Variants in SLCO3A1 observed in about 807,000 individuals in gnomAD.
The protein encoded by SLCO3A1 is PGE1 transporter.
Under a neutral mutation model 63.1 loss-of-function variants are expected in SLCO3A1, and 27 were observed. That is an observed-to-expected ratio of 0.43 (90% confidence interval 0.32 to 0.59). The LOEUF (loss-of-function observed/expected upper bound fraction) is 0.59. Ranked by LOEUF, SLCO3A1 falls within the 20% of genes least tolerant of loss-of-function variation. The pLI is 0.09. For missense variants in SLCO3A1, 773 were observed against 945.8 expected, an observed-to-expected ratio of 0.82 and a Z score of 2.40; for synonymous variants, 473 against 409.9, an observed-to-expected ratio of 1.15 and a Z score of -1.86.
In SLCO3A1 at chr15:92,012,644, C is replaced by T. The variant is rs554706198; in HGVS notation, c.647-82237C>T. 5.9e-5 allele frequency among the ~76,000 whole-genome samples: 9 copies of T among 151,686 alleles called. No individual in the cohort carries two copies. The East Asian group carries it at 1.4e-3, about 23-fold the overall frequency. The stretch of plus-strand genomic sequence containing the variant: ...CCCTGTGAGAGCACTGGCTCACACC[C>T]GGAATCCCAGCACTTTGAGAGGCTG... On this transcript the variant is annotated intron_variant, in intron 2 of 9. Transcript: ENST00000318445.
intron 7 of SLCO3A1, among the ~76,000 whole-genome samples, chr15:92,130,125 A>G (rs576366008): frequency 1.3e-5 from 2 of 152,368 alleles, no homozygotes; most frequent in Non-Finnish European, 2.9e-5. Context: ...CCTGAGACCA[A>G]ATGAGTCTCT....
chr15:91,984,300 A>G (rs12906515), intron 2 of SLCO3A1, among the ~76,000 whole-genome samples: 122,434 of 152,190 alleles, frequency 0.8, 50,158 homozygotes, highest in East Asian at 0.98. Context: ...TTAACCTCCC[A>G]CTTCAGCTAT....
chr15:92,072,944 C>CAAA (rs1238200075), intron 2 of SLCO3A1, among the ~76,000 whole-genome samples: 1 of 152,098 alleles, frequency 6.6e-6, no homozygotes, highest in Non-Finnish European at 1.5e-5. Context: ...CAACCCAGTA[C>CAAA]AAAAACCTTA....
At chr15:91,864,305 C>T (rs1228105032) in intron 1 of SLCO3A1, among the ~76,000 whole-genome samples, 1 of 152,170 alleles carries the variant, frequency 6.6e-6, no homozygotes, top group Non-Finnish European at 1.5e-5. Context: ...CCCAAATGTG[C>T]AGCCCCACCC....
chr15:92,117,076 G>A (rs185202735), intron 4 of SLCO3A1, among the ~76,000 whole-genome samples: 40 of 152,308 alleles, frequency 2.6e-4, no homozygotes, highest in African/African-American at 9.4e-4. Context: ...TCCCGCTGAA[G>A]TGGAATTATC....
intron 2 of SLCO3A1, among the ~76,000 whole-genome samples, chr15:91,960,439 C>G (rs1037650508): frequency 6.6e-6 from 1 of 152,288 alleles, no homozygotes; most frequent in South Asian, 2.1e-4. Flanking sequence ...TAATTCTGCT[C>G]TGAAGGTTTG....
At chr15:91,888,762 C>A (rs1897790271) in intron 1 of SLCO3A1, among the ~76,000 whole-genome samples, 1 of 151,950 alleles carries the variant, frequency 6.6e-6, no homozygotes. Context: ...ATGGAAAGAT[C>A]ATTTGAGGCC....
chr15:92,123,372 A>G (rs1170567593), intron 5 of SLCO3A1, among the ~76,000 whole-genome samples: 1 of 152,140 alleles, frequency 6.6e-6, no homozygotes, highest in Non-Finnish European at 1.5e-5. Context: ...GCGCCATTGC[A>G]CTCCAGCCTG....
intron 2 of SLCO3A1, among the ~76,000 whole-genome samples, chr15:92,042,182 T>A (rs978361671): frequency 1.3e-5 from 2 of 152,224 alleles, no homozygotes; most frequent in Non-Finnish European, 2.9e-5. Context: ...TTCTCATCTT[T>A]CCTTGAGTAA....
intron 2 of SLCO3A1, among the ~76,000 whole-genome samples, chr15:91,930,829 C>T (rs1418960736): frequency 1.1e-4 from 17 of 152,266 alleles, no homozygotes; most frequent in Middle Eastern, 3.4e-3. Context: ...TTATTTGCCG[C>T]GCTTTATGGG....
chr15:91,922,850 G>A (rs4989808), intron 2 of SLCO3A1, among the ~76,000 whole-genome samples: 150,173 of 152,358 alleles, frequency 0.99, 74,027 homozygotes, highest in East Asian at 1. Flanking sequence ...GCTGCTGGTC[G>A]CATGCCATTT....
intron 4 of SLCO3A1, among the ~76,000 whole-genome samples, chr15:92,106,347 G>A (rs1439851802): frequency 6.6e-6 from 1 of 152,126 alleles, no homozygotes; most frequent in East Asian, 1.9e-4. Context: ...CCTCATGCAC[G>A]TGTGCTTAAT....
intron 5 of SLCO3A1, among the ~76,000 whole-genome samples, chr15:92,123,795 T>C (rs1275505694): frequency 6.6e-6 from 1 of 152,254 alleles, no homozygotes; most frequent in Admixed American, 6.5e-5. Flanking sequence ...CTTTGGGCAG[T>C]GCTCTGTTTC....
intron 2 of SLCO3A1, among the ~76,000 whole-genome samples, chr15:91,934,994 G>A (rs778591381): frequency 2.6e-5 from 4 of 151,984 alleles, no homozygotes; most frequent in East Asian, 1.9e-4. Flanking sequence ...TCGCTTTGTC[G>A]CCAGGCTGGA....
At chr15:91,973,525 AATC>A (rs1278517322) in intron 2 of SLCO3A1, among the ~76,000 whole-genome samples, 1 of 152,202 alleles carries the variant, frequency 6.6e-6, no homozygotes, top group African/African-American at 2.4e-5. Flanking sequence ...GAGTGTCTAA[AATC>A]ATGGTGCGTT....
At chr15:91,945,876 A>C (rs1265316268) in intron 2 of SLCO3A1, among the ~76,000 whole-genome samples, 1 of 152,194 alleles carries the variant, frequency 6.6e-6, no homozygotes, top group Non-Finnish European at 1.5e-5. Context: ...AATTGAGAGG[A>C]GTTCCTGATG....
At position 91,872,735 on chromosome 15, in the gene SLCO3A1, A is replaced by G. The variant is rs1400889836; in HGVS notation, c.180+18647A>G. Among the ~76,000 whole-genome samples, 1 of 152,216 alleles carries G rather than the reference A, an allele frequency of 6.6e-6. No homozygotes were observed. The highest frequency in any genetic ancestry group is 6.5e-5 in the Admixed American group (1 of 15,290). ...TTATTTTAACATGTTACCACCTGTG[A>G]GAGAACACTGTTCTCACTCTCTCTT... On this transcript the variant is annotated intron_variant, in intron 1 of 9. Transcript: ENST00000318445. The surrounding 1 kb of genome is among the most constrained non-coding windows in gnomAD (Gnocchi z 4.1).
chr15:92,152,719 G>C (rs2151594975), intron 9 of SLCO3A1, among the ~76,000 whole-genome samples: 1 of 152,308 alleles, frequency 6.6e-6, no homozygotes, highest in Non-Finnish European at 1.5e-5. Context: ...TTTGCAAATG[G>C]TAAAGCCATT....
At position 92,162,963 on chromosome 15, in the gene SLCO3A1, G is replaced by A. The variant is rs199572762; in HGVS notation, c.1961G>A (p.Arg654His). The A allele has an allele frequency of 5.1e-5, 82 of 1,614,074 alleles. No homozygotes were observed. Among genetic ancestry groups the A allele is most frequent in the South Asian group, 3.7e-4 (34 of 91,080 alleles). The part of the protein sequence containing the change: ...TWQCLRKNYK[R>H]YIKNHEGGLS... ...CAGTGCCTGAGGAAAAACTATAAAC[G>A]CTACATCAAAAACCACGAGGGCGGG... Residue 654 changes from arginine to histidine, a missense_variant, in exon 10 of 10, where the codon CGC (arginine) becomes CAC (histidine). By Grantham distance (29) the Arg-to-His change is conservative (BLOSUM62 0). Around this residue, in one of 3 missense-constraint regions of SLCO3A1, gnomAD observed 139 missense variants for 131.4 expected, o/e 1.06. Transcript: ENST00000318445.
Sources: gnomAD v4.1 joint callset for allele counts (sites outside exome capture counted in the v4.1 genomes callset) on GRCh38, gnomAD v4.1.1 for gene constraint, gnomAD v4.1.1 regional missense constraint, Gnocchi (gnomAD v3.1) non-coding constraint, MANE v1.5 for transcripts, NCBI Gene and HGNC (gene_info 2026-07-23, HGNC 2026-07-21) for gene names.